CLEC12A: variants seen among roughly 807,000 people sequenced by gnomAD.
CLEC12A encodes C-type lectin protein CLL-1.
Under a neutral mutation model 26.5 loss-of-function variants are expected in CLEC12A, and 22 were observed. That is an observed-to-expected ratio of 0.83 (90% CI 0.59 to 1.19). The LOEUF (loss-of-function observed/expected upper bound fraction) is 1.19, where lower values mean the gene tolerates loss of function less well. CLEC12A is among the 50% of genes most tolerant of loss of function. The pLI is 0.00. For missense variants in CLEC12A, 353 were observed against 315.6 expected, an observed-to-expected ratio of 1.12 and a Z score of -0.90; for synonymous variants, 119 against 101.9, an observed-to-expected ratio of 1.17 and a Z score of -1.01.
downstream of CLEC12A, among the ~76,000 whole-genome samples, chr12:9,990,525 C>G (rs1315424624): frequency 6.6e-6 from 1 of 152,168 alleles, no homozygotes; most frequent in East Asian, 1.9e-4. Context: ...GCAATTTTAT[C>G]AGGAAACTTT....
At chr12:9,990,500 T>C (rs1157210560), downstream of CLEC12A, among the ~76,000 whole-genome samples, 2 of 152,166 alleles carry the variant, frequency 1.3e-5, no homozygotes, top group Non-Finnish European at 1.5e-5. Context: ...AGCCTGAAGA[T>C]GTGGCTGAAT....
chr12:9,973,781 G>C (rs917164931), intron 1 of CLEC12A, among the ~76,000 whole-genome samples: 2 of 151,990 alleles, frequency 1.3e-5, no homozygotes, highest in Non-Finnish European at 2.9e-5. Flanking sequence ...TCCATGTGTC[G>C]TTTTCAAAGA....
downstream of CLEC12A, chr12:9,997,086 A>AG (rs1865070230): frequency 6.2e-7 from 1 of 1,609,234 alleles, no homozygotes; most frequent in Non-Finnish European, 8.5e-7. Flanking sequence ...GCAGATCTCA[A>AG]ACTCCCTTCA....
At chr12:9,955,789 G>A (rs1466561788) in intron 1 of CLEC12A, among the ~76,000 whole-genome samples, 1 of 152,120 alleles carries the variant, frequency 6.6e-6, no homozygotes, top group Non-Finnish European at 1.5e-5. Flanking sequence ...ACCTCCTGCA[G>A]TGTGATTGCT....
upstream of CLEC12A, among the ~76,000 whole-genome samples, chr12:9,967,723 A>G (rs1591818251): frequency 1.3e-5 from 2 of 151,422 alleles, no homozygotes; most frequent in Non-Finnish European, 2.9e-5. Context: ...AGAGACATGG[A>G]GAAAAGCGGT....
downstream of CLEC12A, among the ~76,000 whole-genome samples, chr12:9,987,825 T>G (rs560716166): frequency 6.6e-6 from 1 of 152,258 alleles, no homozygotes; most frequent in African/African-American, 2.4e-5. Context: ...TATTTTTTTT[T>G]GAGACAGAGT....
the CLEC12A span, among the ~76,000 whole-genome samples, chr12:10,002,416 A>T: frequency 6.6e-6 from 1 of 151,426 alleles, no homozygotes; most frequent in African/African-American, 2.4e-5. Flanking sequence ...GAACTTCTTT[A>T]AAAAAATTTA....
At chr12:9,977,324 T>G (rs1024318669) in intron 1 of CLEC12A, among the ~76,000 whole-genome samples, 4 of 152,206 alleles carry the variant, frequency 2.6e-5, no homozygotes, top group African/African-American at 9.6e-5. Context: ...ACTCTGTTAT[T>G]TTGCCCTCCT....
In CLEC12A at chr12:9,971,706, G is replaced by T; in HGVS notation, c.91+19G>T. ...GAAAAAGGTAAGATTTTGAGTTATG[G>T]ATGTGTTGTAAGTTTGTATAATAGA... On this transcript the variant is annotated intron_variant, in intron 1 of 5. Transcript: ENST00000304361. 2 of 1,604,078 alleles carry T rather than the reference G, an allele frequency of 1.2e-6. No homozygotes were observed. The highest frequency in any genetic ancestry group is 1.1e-5 in the South Asian group (1 of 89,324).
the CLEC12A span, among the ~76,000 whole-genome samples, chr12:10,002,599 C>A: frequency 1.3e-5 from 2 of 151,402 alleles, no homozygotes; most frequent in East Asian, 3.9e-4. Flanking sequence ...CCCGCCACCA[C>A]GGCCGGCTAA....
intron 1 of CLEC12A, among the ~76,000 whole-genome samples, chr12:9,965,898 G>A (rs1338292791): frequency 6.6e-6 from 1 of 152,076 alleles, no homozygotes; most frequent in Admixed American, 6.5e-5. Flanking sequence ...GGCAGTAGAG[G>A]TGTCCTATAC....
chr12:10,004,937 C>T, the CLEC12A span, among the ~76,000 whole-genome samples: 1 of 150,462 alleles, frequency 6.6e-6, no homozygotes, highest in East Asian at 1.9e-4. Flanking sequence ...CACGACAGGC[C>T]CCGGTGTGTG....
downstream of CLEC12A, among the ~76,000 whole-genome samples, chr12:9,987,416 TAC>T (rs1360516312): frequency 6.6e-6 from 1 of 152,242 alleles, no homozygotes; most frequent in Non-Finnish European, 1.5e-5. Context: ...GGGAAATATT[TAC>T]AGTTTTTTGC....
At chr12:9,980,850 A>G in intron 4 of CLEC12A, 117 bp downstream of exon 4, 1 of 1,045,454 alleles carries the variant, frequency 9.6e-7, no homozygotes, top group Non-Finnish European at 1.4e-6. Flanking sequence ...GAAGTGACTG[A>G]AACTTTGTAC....
intron 1 of CLEC12A, among the ~76,000 whole-genome samples, chr12:9,961,993 C>G (rs1045056517): frequency 5.9e-5 from 9 of 152,184 alleles, no homozygotes; most frequent in Non-Finnish European, 1.0e-4. Flanking sequence ...TTCCCTACAG[C>G]ACTAGGAAAT....
chr12:9,968,441 G>T (rs1428538496), upstream of CLEC12A, among the ~76,000 whole-genome samples: 2 of 152,098 alleles, frequency 1.3e-5, no homozygotes, highest in African/African-American at 4.8e-5. Context: ...ATCAAAGGGG[G>T]GTTGTTCTCT....
rs140460586 is a variant in CLEC12A, at chr12:9,985,002, T to A, written c.774T>A (p.Gly258=). ...CEKMANPVQL[G]STYFREA ...AGATGGCCAATCCAGTGCAGCTTGG[T>A]TCTACATATTTTAGGGAGGCATGAG... The change falls in exon 6 of 6, where the codon GGT becomes GGA. Residue 258 remains glycine (G), a synonymous_variant. Coordinates refer to ENST00000304361, the MANE Select transcript of CLEC12A (RefSeq NM_138337.6). 2.5e-3 allele frequency: 3,808 copies of A among 1,531,566 alleles called. 8 individuals are homozygous for A. The highest frequency in any genetic ancestry group is 3.2e-3 in the Non-Finnish European group (3,622 of 1,138,492). The allele number at this position is 1,531,566 out of a possible 1,614,324, so 94.9% of individuals were successfully genotyped here.
intron 1 of CLEC12A, among the ~76,000 whole-genome samples, chr12:9,961,059 G>A (rs952565870): frequency 6.6e-6 from 1 of 152,200 alleles, no homozygotes; most frequent in African/African-American, 2.4e-5. Context: ...ATTTTAGGGA[G>A]ACACGAGGCT....
chr12:9,972,808 A>G (rs752408342), intron 1 of CLEC12A, among the ~76,000 whole-genome samples: 3 of 152,154 alleles, frequency 2.0e-5, no homozygotes, highest in Non-Finnish European at 4.4e-5. Flanking sequence ...AGAAAGAAGA[A>G]GGGTTTAAGA....
Sources: gnomAD v4.1 joint callset for allele counts (sites outside exome capture counted in the v4.1 genomes callset) on GRCh38, gnomAD v4.1.1 for gene constraint, MANE v1.5 for transcripts, NCBI Gene and HGNC (gene_info 2026-07-23, HGNC 2026-07-21) for gene names.